CADM2: variants seen among roughly 807,000 people sequenced by gnomAD.
The protein encoded by CADM2 is immunoglobulin superfamily member 4D.
Under a neutral mutation model 49.8 loss-of-function variants are expected in CADM2, and 12 were observed. That is an observed-to-expected ratio of 0.24 (90% confidence interval 0.15 to 0.39). The LOEUF (loss-of-function observed/expected upper bound fraction) is 0.39. Among genes scored for constraint, CADM2 ranks in the 10% least tolerant of loss-of-function variants. CADM2 has a pLI of 1.00. For synonymous variants in CADM2, 214 were observed against 175.4 expected (o/e 1.22, Z -1.74); for missense variants, 378 against 492.3 (o/e 0.77, Z 2.20).
At chr3:85,811,739 G>T (rs1454267178) in intron 3 of CADM2, among the ~76,000 whole-genome samples, 2 of 152,072 alleles carry the variant, frequency 1.3e-5, no homozygotes, top group Admixed American at 6.6e-5. Context: ...GTGGGATGAT[G>T]AACTGGCTAG....
At chr3:85,920,673 TA>T (rs1215971632) in intron 6 of CADM2, among the ~76,000 whole-genome samples, 8 of 151,846 alleles carry the variant, frequency 5.3e-5, no homozygotes, top group African/African-American at 1.7e-4. Context: ...AATATAAGAA[TA>T]TTTATGTTAA....
At chr3:85,463,125 C>T (rs2038324948) in intron 1 of CADM2, among the ~76,000 whole-genome samples, 1 of 152,126 alleles carries the variant, frequency 6.6e-6, no homozygotes, top group African/African-American at 2.4e-5. Context: ...TTTGTATTTT[C>T]AAATACTGAT....
At chr3:85,087,045 A>G (rs2037408238) in intron 1 of CADM2, among the ~76,000 whole-genome samples, 1 of 152,214 alleles carries the variant, frequency 6.6e-6, no homozygotes, top group African/African-American at 2.4e-5. Flanking sequence ...GCTTGTACAC[A>G]TAAAACATAA....
At chr3:85,704,252 C>A (rs1436625665) in intron 1 of CADM2, among the ~76,000 whole-genome samples, 1 of 152,138 alleles carries the variant, frequency 6.6e-6, no homozygotes, top group African/African-American at 2.4e-5. Flanking sequence ...GAAAACTAAG[C>A]CCTCAAAGAG....
intron 1 of CADM2, among the ~76,000 whole-genome samples, chr3:85,653,851 G>T (rs1301656402): frequency 6.6e-6 from 1 of 152,208 alleles, no homozygotes; most frequent in East Asian, 1.9e-4. Flanking sequence ...GGTCAAGAGA[G>T]ACATTTGTTG....
chr3:85,451,391 C>A (rs149472683), intron 1 of CADM2, among the ~76,000 whole-genome samples: 17 of 152,102 alleles, frequency 1.1e-4, no homozygotes, highest in African/African-American at 3.9e-4. Flanking sequence ...ATTTAAATGA[C>A]CTTTTCGTAA....
chr3:84,993,368 C>G (rs1176147377), intron 1 of CADM2, among the ~76,000 whole-genome samples: 2 of 152,170 alleles, frequency 1.3e-5, no homozygotes, highest in Non-Finnish European at 2.9e-5. Flanking sequence ...AAGCAATACT[C>G]TCTCTGTTAC....
chr3:86,012,889 G>A lies in CADM2; in HGVS notation c.970+51242G>A. The A allele has an allele frequency of 8.8e-6, 5 of 570,412 alleles. No homozygotes were observed. The South Asian group carries it at 9.1e-5, about 10-fold the overall frequency. The allele number at this position is 570,412 out of a possible 1,614,324, so 35.3% of individuals were successfully genotyped here. ...ACTCGGGAGGCTGAGGCAGGAGAAT[G>A]GCGTGAACCCGGGAGGCGGAGCTTG... On this transcript the variant is annotated intron_variant, in intron 8 of 9. Coordinates refer to ENST00000383699, the MANE Select transcript of CADM2 (RefSeq NM_001167675.2).
chr3:85,085,606 G>C (rs1365899484), intron 1 of CADM2, among the ~76,000 whole-genome samples: 1 of 152,002 alleles, frequency 6.6e-6, no homozygotes, highest in Non-Finnish European at 1.5e-5. Context: ...GTGCTACTTT[G>C]CTGCATATCA....
intron 1 of CADM2, among the ~76,000 whole-genome samples, chr3:84,987,413 T>A (rs2107163502): frequency 6.6e-6 from 1 of 152,230 alleles, no homozygotes; most frequent in South Asian, 2.1e-4. Context: ...TGTGAAGAAC[T>A]AAAGTTCAGC....
intron 1 of CADM2, among the ~76,000 whole-genome samples, chr3:85,612,308 C>T (rs2063700522): frequency 2.0e-5 from 3 of 151,894 alleles, no homozygotes; most frequent in Admixed American, 1.3e-4. Flanking sequence ...TAACAATGTT[C>T]TTTCCACAGA....
intron 1 of CADM2, among the ~76,000 whole-genome samples, chr3:85,053,264 T>C (rs1212200872): frequency 2.6e-5 from 4 of 152,054 alleles, no homozygotes; most frequent in African/African-American, 4.8e-5. Flanking sequence ...ATGGGAACTT[T>C]GGATGAATAA....
intron 5 of CADM2, among the ~76,000 whole-genome samples, chr3:85,903,741 C>G (rs116912109): frequency 6.6e-6 from 1 of 152,094 alleles, no homozygotes; most frequent in African/African-American, 2.4e-5. Flanking sequence ...GTCTTTCTTT[C>G]CTGTTGTCTC....
intron 1 of CADM2, among the ~76,000 whole-genome samples, chr3:85,135,317 A>T (rs1240571641): frequency 6.6e-6 from 1 of 152,000 alleles, no homozygotes; most frequent in African/African-American, 2.4e-5. Flanking sequence ...TAAATTCAAA[A>T]TTCTCTAGAA....
chr3:85,483,370 A>C (rs1433643607), intron 1 of CADM2, among the ~76,000 whole-genome samples: 1 of 151,210 alleles, frequency 6.6e-6, no homozygotes, highest in Non-Finnish European at 1.5e-5. Context: ...TTTCTTATGA[A>C]ATTTTGCATA....
chr3:85,959,136 A>G (rs555771754), intron 7 of CADM2, among the ~76,000 whole-genome samples: 2 of 121,028 alleles, frequency 1.7e-5, no homozygotes, highest in Non-Finnish European at 3.3e-5. Context: ...ATAGCTGTAT[A>G]TCTTTATCTA....
At chr3:85,893,242 G>C (rs939734893) in intron 5 of CADM2, among the ~76,000 whole-genome samples, 1 of 152,146 alleles carries the variant, frequency 6.6e-6, no homozygotes, top group African/African-American at 2.4e-5. Context: ...CCATTTTCTG[G>C]GGAAACGATT....
At chr3:85,437,273 G>T (rs537381590) in intron 1 of CADM2, among the ~76,000 whole-genome samples, 1 of 151,996 alleles carries the variant, frequency 6.6e-6, no homozygotes, top group Non-Finnish European at 1.5e-5. Flanking sequence ...CATCTTAATC[G>T]CTTCTAAGTT....
At chr3:85,340,110 G>A (rs1199416911) in intron 1 of CADM2, among the ~76,000 whole-genome samples, 2 of 151,350 alleles carry the variant, frequency 1.3e-5, no homozygotes, top group African/African-American at 2.4e-5. Context: ...AGAATCAGTA[G>A]AGATATTAAT....
Sources: gnomAD v4.1 joint callset for allele counts (sites outside exome capture counted in the v4.1 genomes callset) on GRCh38, gnomAD v4.1.1 for gene constraint, MANE v1.5 for transcripts, NCBI Gene and HGNC (gene_info 2026-07-23, HGNC 2026-07-21) for gene names.